KHDRBS2: variants seen among roughly 807,000 people sequenced by gnomAD.
KHDRBS2 encodes the protein KH RNA binding domain containing, signal transduction associated 2.
Under a neutral mutation model 44.3 loss-of-function variants are expected in KHDRBS2, and 26 were observed. The observed-to-expected ratio is 0.59, with a 90% CI of 0.43 to 0.81. The LOEUF is 0.81. Among genes scored for constraint, KHDRBS2 ranks in the 40% least tolerant of loss-of-function variants. The pLI is 0.00. For missense variants in KHDRBS2, 476 were observed against 433.1 expected (o/e 1.10, Z -0.88); for synonymous variants, 194 against 151.1 (o/e 1.28, Z -2.08).
At chr6:61,648,315 C>T in the KHDRBS2 span, among the ~76,000 whole-genome samples, 1 of 151,866 alleles carries the variant, frequency 6.6e-6, no homozygotes, top group Non-Finnish European at 1.5e-5. Context: ...ATCCTAATGT[C>T]TTTGTTTAGA....
chr6:61,840,480 A>G (rs1425006118), intron 6 of KHDRBS2, among the ~76,000 whole-genome samples: 3 of 152,100 alleles, frequency 2.0e-5, no homozygotes, highest in Non-Finnish European at 2.9e-5. Flanking sequence ...TCCTTAAATA[A>G]TCAAATAAAA....
chr6:62,210,432 G>A (rs1223718919), intron 1 of KHDRBS2, among the ~76,000 whole-genome samples: 1 of 149,252 alleles, frequency 6.7e-6, no homozygotes, highest in Non-Finnish European at 1.5e-5. Context: ...CCAGGTTCAA[G>A]CAATTATCCT....
chr6:62,035,899 C>T (rs183876870), intron 3 of KHDRBS2, among the ~76,000 whole-genome samples: 9 of 152,110 alleles, frequency 5.9e-5, no homozygotes, highest in Admixed American at 1.3e-4. Flanking sequence ...TGGTTTACAA[C>T]TTAATAATTT....
intron 2 of KHDRBS2, among the ~76,000 whole-genome samples, chr6:62,086,245 T>A (rs190110872): frequency 2.6e-4 from 40 of 152,072 alleles, no homozygotes; most frequent in Non-Finnish European, 5.1e-4. Context: ...AAAAGAAGAC[T>A]AGGGAAATGA....
chr6:62,132,957 T>C (rs1810671833), intron 2 of KHDRBS2, among the ~76,000 whole-genome samples: 1 of 152,190 alleles, frequency 6.6e-6, no homozygotes, highest in South Asian at 2.1e-4. Context: ...ACAGCGTTTT[T>C]CCATAAAGGG....
chr6:61,975,489 T>C (rs1583901910), intron 4 of KHDRBS2, among the ~76,000 whole-genome samples: 1 of 152,130 alleles, frequency 6.6e-6, no homozygotes, highest in Non-Finnish European at 1.5e-5. Context: ...TTTTGCCCCT[T>C]GCGGTTCTCC....
intron 1 of KHDRBS2, among the ~76,000 whole-genome samples, chr6:62,228,258 A>T (rs767898612): frequency 1.6e-4 from 24 of 152,140 alleles, no homozygotes; most frequent in Non-Finnish European, 3.2e-4. Flanking sequence ...TTGGGAGGGT[A>T]TATGTGTCCA....
intron 2 of KHDRBS2, among the ~76,000 whole-genome samples, chr6:62,067,746 T>A (rs1163310749): frequency 6.6e-6 from 1 of 151,538 alleles, no homozygotes; most frequent in East Asian, 2.0e-4. Flanking sequence ...ATTGGACCCC[T>A]ACACTTAAAC....
In KHDRBS2 at chr6:62,240,672, GTATATATATATATA is replaced by G. The variant is rs4036655; in HGVS notation, c.91+45172_91+45185del. 9.6e-3 allele frequency among the ~76,000 whole-genome samples: 613 copies of G among 64,160 alleles called. 7 individuals are homozygous for G. The highest frequency in any genetic ancestry group is 0.03 in the African/African-American group (567 of 18,900). The allele number at this position is 64,160 out of a possible 152,430, so 42.1% of individuals were successfully genotyped here. A position where few individuals can be genotyped will look rare whatever the true frequency, so the allele number is the denominator to read the frequency against. On this transcript the variant is annotated intron_variant, in intron 1 of 8. Coordinates refer to ENST00000281156, the MANE Select transcript of KHDRBS2 (RefSeq NM_152688.4). Reference sequence around the variant, plus strand: ...TGTATGTGTGTATGTATGTGTGTGTGTATATATATATATATATATATATATATATATATATATAT... The same window carrying G: ...TGTATGTGTGTATGTATGTGTGTGTGTATATATATATATATATATATATAT...
At chr6:61,954,953 T>A (rs1459877748) in intron 4 of KHDRBS2, among the ~76,000 whole-genome samples, 3 of 141,530 alleles carry the variant, frequency 2.1e-5, no homozygotes, top group Admixed American at 2.1e-4. Flanking sequence ...TGTATACATA[T>A]ATATGTATAT....
intron 6 of KHDRBS2, among the ~76,000 whole-genome samples, chr6:61,764,565 C>A (rs540973303): frequency 5.1e-4 from 78 of 152,206 alleles, no homozygotes; most frequent in African/African-American, 1.8e-3. Context: ...TTAATAATTG[C>A]CATTCTGACT....
At chr6:62,117,580 C>T (rs1806577141) in intron 2 of KHDRBS2, among the ~76,000 whole-genome samples, 1 of 151,948 alleles carries the variant, frequency 6.6e-6, no homozygotes, top group Non-Finnish European at 1.5e-5. Flanking sequence ...TTGATTGTTT[C>T]CTTTGTTCTG....
chr6:62,065,078 A>G (rs1039140329), intron 2 of KHDRBS2, among the ~76,000 whole-genome samples: 2 of 152,176 alleles, frequency 1.3e-5, no homozygotes, highest in African/African-American at 4.8e-5. Context: ...CAAAACCACA[A>G]TGAGATACCA....
intron 6 of KHDRBS2, among the ~76,000 whole-genome samples, chr6:61,852,675 G>A (rs1161634538): frequency 1.3e-5 from 2 of 151,902 alleles, no homozygotes; most frequent in African/African-American, 4.8e-5. Flanking sequence ...CAGCCTTTAT[G>A]GAAAGGATTT....
the KHDRBS2 span, among the ~76,000 whole-genome samples, chr6:61,582,916 A>G: frequency 6.6e-5 from 10 of 151,830 alleles, no homozygotes. Flanking sequence ...TGAAAATTGG[A>G]CAAAATTAAT....
chr6:62,066,603 AAAG>A (rs879802963), intron 2 of KHDRBS2, among the ~76,000 whole-genome samples: 1 of 151,680 alleles, frequency 6.6e-6, no homozygotes, highest in Non-Finnish European at 1.5e-5. Context: ...TTTGTTCTTT[AAAG>A]AAGTTTTCCA....
At chr6:62,231,549 G>A (rs1832902941) in intron 1 of KHDRBS2, among the ~76,000 whole-genome samples, 2 of 151,974 alleles carry the variant, frequency 1.3e-5, no homozygotes, top group South Asian at 2.1e-4. Flanking sequence ...TTTGGGTGGG[G>A]ACACACAAGA....
rs187482362 is a variant in KHDRBS2 at position 61,760,445 on chromosome 6, C to A, written c.811-27681G>T. ...CACAGGAGTTCAACTTCAGCCTGGG[C>A]AACATGACAAAACCTCAACTCTACA... On this transcript the variant is annotated intron_variant, in intron 6 of 8. Transcript: ENST00000281156. 1.4e-4 allele frequency among the ~76,000 whole-genome samples: 21 copies of A among 152,146 alleles called. 1 individual carries two copies. Among genetic ancestry groups the A allele is most frequent in the Admixed American group, 2.0e-4 (3 of 15,266 alleles).
the KHDRBS2 span, among the ~76,000 whole-genome samples, chr6:61,565,697 C>T: frequency 2.0e-5 from 3 of 151,942 alleles, no homozygotes; most frequent in African/African-American, 7.2e-5. Context: ...AATGCTTGTA[C>T]CCTGTTGGTG....
Sources: allele counts gnomAD v4.1 joint callset (sites outside exome capture counted in the v4.1 genomes callset), GRCh38; gene constraint gnomAD v4.1.1; transcripts MANE v1.5; gene names NCBI Gene and HGNC (gene_info 2026-07-23, HGNC 2026-07-21).